TTLL9: variants seen among roughly 807,000 people sequenced by gnomAD.
TTLL9 encodes tubulin tyrosine ligase like 9.
Under a neutral mutation model 65.6 loss-of-function variants are expected in TTLL9, and 47 were observed. The observed-to-expected ratio is 0.72, with a 90% CI of 0.57 to 0.91. The LOEUF (loss-of-function observed/expected upper bound fraction) is 0.91, where lower values mean the gene tolerates loss of function less well. Among genes scored for constraint, TTLL9 ranks in the 40% least tolerant of loss-of-function variants. The pLI is 0.00. For synonymous variants in TTLL9, 179 were observed against 204.8 expected (o/e 0.87, Z 1.07); for missense variants, 537 against 568.8 (o/e 0.94, Z 0.57).
chr20:31,913,768 A>G (rs1016444891), intron 6 of TTLL9, among the ~76,000 whole-genome samples: 2 of 152,196 alleles, frequency 1.3e-5, no homozygotes, highest in Non-Finnish European at 2.9e-5. Context: ...TGGGTCTGGC[A>G]TTTAAAAGTC....
In TTLL9 at chr20:31,926,090, G is replaced by A. The variant is rs201285606; in HGVS notation, c.747G>A (p.Gln249=). 2.7e-4 allele frequency: 432 copies of A among 1,600,190 alleles called. No homozygotes were observed. Among genetic ancestry groups the A allele is most frequent in the Non-Finnish European group, 3.2e-4 (379 of 1,167,324 alleles). The change falls in exon 10 of 15, where the codon CAG becomes CAA. Residue 249 remains glutamine, a splice_region_variant and synonymous_variant. Coordinates refer to ENST00000535842, the MANE Select transcript of TTLL9 (RefSeq NM_001008409.5). ...ECLLWSGHRR[Q]DVHLTNVAVQ... ...TGCTGTGGTCTGGGCACAGGAGACA[G>A]GGTATGAGATAGGTCTGGTCCCTTC... is the stretch of plus-strand genomic sequence containing the variant.
At chr20:31,932,474 A>C (rs2123615970) in intron 10 of TTLL9, among the ~76,000 whole-genome samples, 1 of 150,204 alleles carries the variant, frequency 6.7e-6, no homozygotes. Context: ...CCTGTCTCAA[A>C]AAAAAAAAAA....
chr20:31,934,862 C>CCTCAAGCCT lies in TTLL9; in HGVS notation c.978_979insCTCAAGCCT (p.Asp326_Ile327insLeuLysPro). The stretch of plus-strand genomic sequence containing the variant: ...ACTGCTTCGAGCTGTACGGCTATGA[C>CCTCAAGCCT]ATCCTCATCGACCAGGACCTCAAGC... On this transcript the variant is annotated inframe_insertion, in exon 12 of 15. Transcript: ENST00000535842. 2 of 1,613,390 alleles carry CCTCAAGCCT rather than the reference C, an allele frequency of 1.2e-6. No individual in the cohort carries two copies. Among genetic ancestry groups the CCTCAAGCCT allele is most frequent in the Non-Finnish European group, 1.7e-6 (2 of 1,179,554 alleles).
At chr20:31,906,033 CAAAAAAAAAAAAAA>C (rs892374670) in intron 4 of TTLL9, among the ~76,000 whole-genome samples, 3 of 47,722 alleles carry the variant, frequency 6.3e-5, no homozygotes, top group Non-Finnish European at 1.3e-4. Flanking sequence ...AATTTCATCT[CAAAAAAAAAAAAAA>C]AAAAAAAAGG....
intron 6 of TTLL9, among the ~76,000 whole-genome samples, chr20:31,914,839 C>G (rs1282810035): frequency 1.3e-5 from 2 of 152,194 alleles, no homozygotes; most frequent in Non-Finnish European, 2.9e-5. Context: ...GGGAGCAGCC[C>G]TAGCAAGACG....
chr20:31,880,174 C>G (rs1416037969), intron 2 of TTLL9, among the ~76,000 whole-genome samples: 1 of 152,176 alleles, frequency 6.6e-6, no homozygotes, highest in Non-Finnish European at 1.5e-5. Context: ...GAAGTTTACA[C>G]AACAGTGGGA....
chr20:31,892,806 C>G (rs1319450441), intron 3 of TTLL9, among the ~76,000 whole-genome samples: 7 of 152,214 alleles, frequency 4.6e-5, no homozygotes, highest in African/African-American at 1.7e-4. Context: ...TACCTTGAAG[C>G]ATAATTACAC....
At chr20:31,895,751 G>A (rs1600547530) in intron 3 of TTLL9, among the ~76,000 whole-genome samples, 1 of 151,846 alleles carries the variant, frequency 6.6e-6, no homozygotes, top group Non-Finnish European at 1.5e-5. Context: ...GCCTCCAAAA[G>A]GAATGCAGCC....
intron 2 of TTLL9, chr20:31,879,509 A>T (rs1210066215): frequency 4.2e-6 from 1 of 239,024 alleles, no homozygotes; most frequent in African/African-American, 2.2e-5. Context: ...TCGTTAAGTA[A>T]GGAAACTCAG....
At chr20:31,884,781 A>T (rs2063165637) in intron 2 of TTLL9, among the ~76,000 whole-genome samples, 1 of 152,228 alleles carries the variant, frequency 6.6e-6, no homozygotes, top group Non-Finnish European at 1.5e-5. Flanking sequence ...CCTGCCCAAA[A>T]AATACAAAAT....
intron 2 of TTLL9, among the ~76,000 whole-genome samples, chr20:31,878,884 G>A (rs2063071380): frequency 6.6e-6 from 1 of 152,054 alleles, no homozygotes; most frequent in African/African-American, 2.4e-5. Context: ...ATAATGAAAT[G>A]CGTAGATCTT....
At chr20:31,925,779 TG>T in intron 9 of TTLL9, 1 of 1,157,240 alleles carries the variant, frequency 8.6e-7, no homozygotes, top group Non-Finnish European at 1.3e-6. Context: ...GCACTCCGGG[TG>T]GAGGAAACGG....
At chr20:31,930,113 G>C (rs910306409) in intron 10 of TTLL9, among the ~76,000 whole-genome samples, 1 of 152,030 alleles carries the variant, frequency 6.6e-6, no homozygotes, top group African/African-American at 2.4e-5. Context: ...GAGCAACAGA[G>C]CAAGACTCTA....
At chr20:31,931,453 T>C (rs1421138369) in intron 10 of TTLL9, among the ~76,000 whole-genome samples, 1 of 152,184 alleles carries the variant, frequency 6.6e-6, no homozygotes, top group East Asian at 1.9e-4. Flanking sequence ...TTTTTGTATT[T>C]CGTGTACATA....
chr20:31,883,254 A>G (rs1486698769), intron 2 of TTLL9, among the ~76,000 whole-genome samples: 1 of 151,416 alleles, frequency 6.6e-6, no homozygotes, highest in Non-Finnish European at 1.5e-5. Context: ...CTAGAGTGCA[A>G]TGGCACAATC....
intron 6 of TTLL9, among the ~76,000 whole-genome samples, chr20:31,913,536 G>A (rs1429222352): frequency 1.3e-5 from 2 of 152,144 alleles, no homozygotes; most frequent in African/African-American, 2.4e-5. Flanking sequence ...AGTTGGTGTG[G>A]CCCAGCCAGT....
chr20:31,904,486 T>C (rs1336933146), intron 4 of TTLL9, among the ~76,000 whole-genome samples: 1 of 150,352 alleles, frequency 6.7e-6, no homozygotes, highest in Non-Finnish European at 1.5e-5. Flanking sequence ...GCCCCCTGAG[T>C]AGTTGGGACT....
chr20:31,935,207 C>G (rs2064090099), intron 12 of TTLL9, among the ~76,000 whole-genome samples: 1 of 152,162 alleles, frequency 6.6e-6, no homozygotes, highest in African/African-American at 2.4e-5. Flanking sequence ...AACTTCCCCT[C>G]TGTAAGTCTT....
At chr20:31,942,894 C>T (rs748583563) in intron 14 of TTLL9, 51 bp from the exon 15 acceptor site, 2 of 1,590,878 alleles carry the variant, frequency 1.3e-6, no homozygotes, top group South Asian at 1.1e-5. Context: ...CAGGCCCCTC[C>T]ACTCCTCCCA....
Sources: gnomAD v4.1 joint callset for allele counts (sites outside exome capture counted in the v4.1 genomes callset) on GRCh38, gnomAD v4.1.1 for gene constraint, MANE v1.5 for transcripts, NCBI Gene and HGNC (gene_info 2026-07-23, HGNC 2026-07-21) for gene names.